The following CMYA5 variants were observed in gnomAD, a reference collection of about 807,000 sequenced individuals.
The protein encoded by CMYA5 is cardiomyopathy-associated protein 5.
In CMYA5, 246 loss-of-function variants were observed where a neutral mutation model predicts 318.9. The ratio of observed to expected loss-of-function variants is 0.77; its 90% CI spans 0.70 to 0.86. CMYA5 has a LOEUF of 0.86. Among genes scored for constraint, CMYA5 ranks in the 40% least tolerant of loss-of-function variants. The probability of loss-of-function intolerance (pLI) is 0.00; values close to 1 mark genes in which losing one functional copy is unlikely to be tolerated. For synonymous variants in CMYA5, 1,641 were observed against 1,729.5 expected (o/e 0.95, Z 1.27); for missense variants, 4,589 against 4,678.2 (o/e 0.98, Z 0.56).
chr5:79,713,290 GCACCCCGCCCC>G (rs1827436752), intron 1 of CMYA5, among the ~76,000 whole-genome samples: 2 of 76,522 alleles, frequency 2.6e-5, no homozygotes, highest in Non-Finnish European at 5.1e-5. Context: ...CCACCCCGCT[GCACCCCGCCCC>G]CACCCCCCAC....
At chr5:79,763,278 C>G in intron 9 of CMYA5, 69 bp downstream of exon 9, 1 of 1,334,088 alleles carries the variant, frequency 7.5e-7, no homozygotes, top group Non-Finnish European at 1.0e-6. Flanking sequence ...CTAAACTACC[C>G]TCTAACTTCT....
At chr5:79,743,788 A>C in intron 2 of CMYA5, 39 bp from the exon 3 acceptor site, 3 of 1,124,536 alleles carry the variant, frequency 2.7e-6, no homozygotes, top group Non-Finnish European at 3.8e-6. Context: ...TCTCTTCCTA[A>C]ATGTCATATA....
At chr5:79,747,741 T>A (rs942770627) in intron 5 of CMYA5, among the ~76,000 whole-genome samples, 4 of 152,252 alleles carry the variant, frequency 2.6e-5, no homozygotes, top group African/African-American at 9.6e-5. Flanking sequence ...CATTTCATAT[T>A]ATAATTATCC....
Position 79,689,921 on chromosome 5 carries a change from A to G in CMYA5, c.14A>G (p.Asp5Gly), listed in dbSNP as rs1383345274. The change falls in exon 1 of 13, where the codon GAT becomes GGT. Residue 5 changes from aspartate to glycine, a missense_variant. Transcript: ENST00000446378. ...CCGGGAGAGGCGATGGCGAGCCGCG[A>G]TAGCAACCACGCTGGCGAGAGCTTT... is the stretch of plus-strand genomic sequence containing the variant. MASRDSNHAGESFLG... is the reference protein window; with the variant it reads MASRGSNHAGESFLG... The G allele has an allele frequency of 3.3e-6, 3 of 900,014 alleles. No homozygotes were observed. Among genetic ancestry groups the G allele is most frequent in the Admixed American group, 2.0e-5 (1 of 49,558 alleles). The allele number at this position is 900,014 out of a possible 1,614,324, so 55.8% of individuals were successfully genotyped here.
chr5:79,774,013 A>G (rs1828897994), intron 9 of CMYA5, among the ~76,000 whole-genome samples: 1 of 152,220 alleles, frequency 6.6e-6, no homozygotes, highest in Admixed American at 6.5e-5. Context: ...TTTGCTTGCC[A>G]GAATAGAAAC....
intron 1 of CMYA5, among the ~76,000 whole-genome samples, chr5:79,694,383 TA>T (rs1827028226): frequency 6.6e-6 from 1 of 152,218 alleles, no homozygotes; most frequent in African/African-American, 2.4e-5. Flanking sequence ...GAGACAGAAG[TA>T]AATAGGACTG....
intron 9 of CMYA5, among the ~76,000 whole-genome samples, chr5:79,787,902 T>G (rs1323163513): frequency 6.6e-6 from 1 of 151,752 alleles, no homozygotes; most frequent in East Asian, 1.9e-4. Flanking sequence ...TATTAGGAAG[T>G]GAAATAAGTC....
In CMYA5 at chr5:79,734,251, A is replaced by G. The variant is rs1484364199; in HGVS notation, c.5486A>G (p.His1829Arg). 6.2e-7 allele frequency: 1 copy of G among 1,613,736 alleles called. No individual in the cohort carries two copies. The highest frequency in any genetic ancestry group is 2.2e-5 in the East Asian group (1 of 44,878). Residue 1829 changes from histidine (H) to arginine (R), a missense_variant, in exon 2 of 13, where the codon CAT becomes CGT. Coordinates refer to ENST00000446378, the MANE Select transcript of CMYA5 (RefSeq NM_153610.5). ...VEQKKTEKAL[H>R]SDQTVKLPDV... ...CAAAAAAAGACAGAAAAAGCACTTC[A>G]TTCAGATCAAACTGTTAAATTACCT...
chr5:79,793,856 A>G (rs1451198605), intron 12 of CMYA5, among the ~76,000 whole-genome samples: 1 of 152,234 alleles, frequency 6.6e-6, no homozygotes, highest in Non-Finnish European at 1.5e-5. Flanking sequence ...TATGAGGCAG[A>G]CTTACCCAAC....
intron 9 of CMYA5, among the ~76,000 whole-genome samples, chr5:79,784,788 C>T (rs1217622359): frequency 4.7e-5 from 7 of 148,922 alleles, no homozygotes; most frequent in Admixed American, 1.3e-4. Flanking sequence ...GCTCACGGTG[C>T]GCGCACACAC....
intron 9 of CMYA5, among the ~76,000 whole-genome samples, chr5:79,776,543 C>G (rs913475074): frequency 2.0e-5 from 3 of 152,132 alleles, no homozygotes; most frequent in East Asian, 3.9e-4. Flanking sequence ...TTTTCCCAAC[C>G]TAAATGATCA....
chr5:79,765,134 A>C (rs1055496073), intron 9 of CMYA5, among the ~76,000 whole-genome samples: 1 of 152,176 alleles, frequency 6.6e-6, no homozygotes, highest in Non-Finnish European at 1.5e-5. Context: ...CTTACGTTTA[A>C]GTCTTTAATC....
At chr5:79,773,230 G>A (rs1392082042) in intron 9 of CMYA5, among the ~76,000 whole-genome samples, 1 of 152,210 alleles carries the variant, frequency 6.6e-6, no homozygotes, top group Non-Finnish European at 1.5e-5. Context: ...TTACTGGAAT[G>A]AGTAAATATC....
In CMYA5 at chr5:79,793,587, C is replaced by T; in HGVS notation, c.11940C>T (p.Tyr3980=). 6.2e-7 allele frequency: 1 copy of T among 1,612,338 alleles called. No homozygotes were observed. The highest frequency in any genetic ancestry group is 8.5e-7 in the Non-Finnish European group (1 of 1,178,612). Residue 3980 remains tyrosine (Y), a synonymous_variant, in exon 12 of 13, where the codon TAC becomes TAT. Transcript: ENST00000446378. ...GALGQGETSW[Y]MHCSEPQRYT... ...TAGGACAAGGGGAGACCTCATGGTA[C>T]ATGCACTGCTCTGAGCCACAGAGGT...
At position 79,731,153 on chromosome 5, in the gene CMYA5, G is replaced by C; in HGVS notation, c.2388G>C (p.Lys796Asn). Reference sequence around the variant, plus strand: ...GTGAACGTTTCACACCGGATTCAAAGTTGATCTCCAAATATGCAGCCCCAC... The same window carrying C: ...GTGAACGTTTCACACCGGATTCAAACTTGATCTCCAAATATGCAGCCCCAC... Reference protein sequence around the residue: ...LGSERFTPDSKLISKYAAPLN... With the variant: ...LGSERFTPDSNLISKYAAPLN... The change falls in exon 2 of 13, where the codon AAG (lysine) becomes AAC (asparagine). Residue 796 changes from lysine to asparagine, a missense_variant. Around this residue, in one of 3 missense-constraint regions of CMYA5, gnomAD observed 2,132 missense variants for 2,131.3 expected, o/e 1.00. Coordinates refer to ENST00000446378, the MANE Select transcript of CMYA5 (RefSeq NM_153610.5). The C allele has an allele frequency of 6.2e-7, 1 of 1,614,000 alleles. No homozygotes were observed. The highest frequency in any genetic ancestry group is 1.1e-5 in the South Asian group (1 of 91,084).
chr5:79,730,000 C>T lies in CMYA5; in HGVS notation c.1235C>T (p.Ser412Phe), dbSNP rs772038558. ...SPGTAASEND[S>F]SVSPSFANEV... ...GGAACTGCAGCTTCAGAGAATGACT[C>T]TTCAGTCTCACCATCATTTGCTAAT... The change falls in exon 2 of 13, where the codon TCT (serine) becomes TTT (phenylalanine). Residue 412 changes from serine to phenylalanine, a missense_variant. This residue lies in a region of CMYA5 where 2,132 missense variants were observed against 2,131.3 expected (regional missense o/e 1.00). Transcript: ENST00000446378. 17 of 1,613,932 alleles carry T rather than the reference C, an allele frequency of 1.1e-5. No individual in the cohort carries two copies. Among genetic ancestry groups the T allele is most frequent in the Non-Finnish European group, 1.2e-5 (14 of 1,179,912 alleles).
intron 9 of CMYA5, among the ~76,000 whole-genome samples, chr5:79,770,762 A>AT (rs1297684903): frequency 6.6e-6 from 1 of 152,158 alleles, no homozygotes; most frequent in Non-Finnish European, 1.5e-5. Context: ...AAAGTGTGTT[A>AT]TTTAAGCTCT....
At chr5:79,788,921 T>A (rs911105889) in intron 9 of CMYA5, 50 bp from the exon 10 acceptor site, 3 of 1,553,926 alleles carry the variant, frequency 1.9e-6, no homozygotes, top group Non-Finnish European at 2.6e-6. Context: ...ATAGGAATCA[T>A]TTAGCATGTG....
intron 1 of CMYA5, among the ~76,000 whole-genome samples, chr5:79,697,761 C>G (rs924409140): frequency 1.3e-5 from 2 of 152,044 alleles, no homozygotes; most frequent in Non-Finnish European, 2.9e-5. Flanking sequence ...TTTTATTAGC[C>G]AATTTATTTC....
Sources: allele counts gnomAD v4.1 joint callset (sites outside exome capture counted in the v4.1 genomes callset), GRCh38; gene constraint gnomAD v4.1.1; regional missense constraint gnomAD v4.1.1; transcripts MANE v1.5; gene names NCBI Gene and HGNC (gene_info 2026-07-23, HGNC 2026-07-21).